Variants in ACSM5 observed in about 807,000 individuals in gnomAD.
The protein encoded by ACSM5 is acyl-CoA synthetase medium chain family member 5, also known as acyl-coenzyme A synthetase ACSM5, mitochondrial.
In ACSM5, 56 loss-of-function variants were observed where a neutral mutation model predicts 71.6. That is an observed-to-expected ratio of 0.78 (90% CI 0.63 to 0.98). ACSM5 has a LOEUF of 0.98. Among genes scored for constraint, ACSM5 ranks in the 50% least tolerant of loss-of-function variants. The pLI, the probability that ACSM5 is intolerant of heterozygous loss-of-function variation, is 0.00. For synonymous variants in ACSM5, 285 were observed against 281.5 expected (o/e 1.01, Z -0.12); for missense variants, 723 against 726.0 (o/e 1.00, Z 0.05).
chr16:20,427,337 G>A (rs1224170456), intron 6 of ACSM5, among the ~76,000 whole-genome samples: 1 of 152,120 alleles, frequency 6.6e-6, no homozygotes, highest in African/African-American at 2.4e-5. Context: ...AACCTCACTG[G>A]TGGTTTTTAG....
intron 12 of ACSM5, among the ~76,000 whole-genome samples, chr16:20,437,913 C>T (rs948404727): frequency 1.3e-4 from 20 of 148,932 alleles, no homozygotes; most frequent in African/African-American, 5.0e-4. Flanking sequence ...ACCTCCGCCT[C>T]CCAGGTTCAA....
intron 10 of ACSM5, among the ~76,000 whole-genome samples, chr16:20,432,547 T>C (rs879517508): frequency 6.6e-6 from 1 of 152,194 alleles, no homozygotes; most frequent in Non-Finnish European, 1.5e-5. Flanking sequence ...TAACATTTAA[T>C]GTATTTTCTG....
At position 20,418,157 on chromosome 16, in the gene ACSM5, G is replaced by A. The variant is rs200349448; in HGVS notation, c.303G>A (p.Lys101=). ...SFEELGKQSR[K]AANVLGGACG... is the part of the protein sequence containing the mutation. The stretch of plus-strand genomic sequence containing the variant: ...AGGAGCTGGGGAAGCAGTCCAGGAA[G>A]GCAGCCAATGTGCTGGGGGGTGCAT... Residue 101 remains lysine (K), a synonymous_variant, in exon 3 of 14, where the codon AAG becomes AAA. Coordinates refer to ENST00000331849, the MANE Select transcript of ACSM5 (RefSeq NM_017888.3). 2 of 1,613,610 alleles carry A rather than the reference G, an allele frequency of 1.2e-6. No homozygotes were observed. Among genetic ancestry groups the A allele is most frequent in the African/African-American group, 2.7e-5 (2 of 75,028 alleles).
chr16:20,422,059 GA>G (rs1966890318), intron 5 of ACSM5, among the ~76,000 whole-genome samples: 1 of 151,962 alleles, frequency 6.6e-6, no homozygotes, highest in Non-Finnish European at 1.5e-5. Flanking sequence ...TTTTAAGACT[GA>G]AAAATATTCC....
intron 10 of ACSM5, among the ~76,000 whole-genome samples, chr16:20,431,996 A>G (rs1428645829): frequency 6.7e-6 from 1 of 150,216 alleles, no homozygotes; most frequent in African/African-American, 2.4e-5. Context: ...TAAAGGTCAA[A>G]CTGCACTATT....
chr16:20,422,378 G>A (rs1303891301), intron 5 of ACSM5, among the ~76,000 whole-genome samples: 7 of 152,090 alleles, frequency 4.6e-5, no homozygotes, highest in Admixed American at 4.6e-4. Context: ...TCAAAGTGCT[G>A]GGATTACAGG....
At position 20,440,367 on chromosome 16, in the gene ACSM5, A is replaced by C; in HGVS notation, c.1680A>C (p.Pro560=). ...PRKVAFVSEL[P]KTVSGKIQRS... ...AGGTGGCCTTTGTTTCAGAACTGCC[A>C]AAGACGGTTTCTGGAAAGATCCAAA... The change falls in exon 14 of 14, where the codon CCA becomes CCC. Residue 560 remains proline, a synonymous_variant. Transcript: ENST00000331849. The C allele has an allele frequency of 6.2e-7, 1 of 1,602,714 alleles. No homozygotes were observed. Among genetic ancestry groups the C allele is most frequent in the Non-Finnish European group, 8.5e-7 (1 of 1,169,672 alleles).
chr16:20,418,284 C>A lies in ACSM5; in HGVS notation c.415+15C>A. On this transcript the variant is annotated intron_variant, in intron 3 of 13. Transcript: ENST00000331849. ...CATGCGGACAGGTCAGTAAGCAGGG[C>A]TGGGAATTTTAGTTGGGGGCAGACA... 6.3e-7 allele frequency: 1 copy of A among 1,598,064 alleles called. No homozygotes were observed. Among genetic ancestry groups the A allele is most frequent in the Non-Finnish European group, 8.5e-7 (1 of 1,170,974 alleles).
chr16:20,436,301 T>C (rs1265129488), intron 10 of ACSM5, among the ~76,000 whole-genome samples: 1 of 140,764 alleles, frequency 7.1e-6, no homozygotes, highest in African/African-American at 2.6e-5. Flanking sequence ...GTTTCCTACT[T>C]GAAGTCTTGC....
At chr16:20,434,267 T>C (rs1967153337) in intron 10 of ACSM5, among the ~76,000 whole-genome samples, 1 of 152,234 alleles carries the variant, frequency 6.6e-6, no homozygotes, top group African/African-American at 2.4e-5. Flanking sequence ...TTTAAGTTTA[T>C]AATCCATCTG....
At chr16:20,410,468 C>T (rs1966845470) in intron 1 of ACSM5, among the ~76,000 whole-genome samples, 2 of 152,182 alleles carry the variant, frequency 1.3e-5, no homozygotes, top group African/African-American at 2.4e-5. Flanking sequence ...CAGTGGCTCA[C>T]ATCTGTAATC....
At chr16:20,420,068 T>C (rs1343175608) in intron 4 of ACSM5, among the ~76,000 whole-genome samples, 1 of 152,192 alleles carries the variant, frequency 6.6e-6, no homozygotes, top group Admixed American at 6.5e-5. Context: ...CAGATGTGCC[T>C]TGGAGCAAGG....
chr16:20,419,174 A>G lies in ACSM5; in HGVS notation c.416-54A>G, dbSNP rs896423651. The stretch of plus-strand genomic sequence containing the variant: ...CTTCCTGCCTTCATCTCTTACCTCT[A>G]TACCCAAGGCCTTCCCCGCTATCCA... On this transcript the variant is annotated intron_variant, in intron 3 of 13. Coordinates refer to ENST00000331849, the MANE Select transcript of ACSM5 (RefSeq NM_017888.3). 4.4e-6 allele frequency: 7 copies of G among 1,575,702 alleles called. No homozygotes were observed. In the African/African-American group the frequency reaches 6.7e-5, roughly 15 times the overall value.
Position 20,431,324 on chromosome 16 carries a change from AAG to A in ACSM5, c.1308+7_1308+8del. The A allele has an allele frequency of 1.2e-6, 2 of 1,612,618 alleles. No individual in the cohort carries two copies. Among genetic ancestry groups the A allele is most frequent in the African/African-American group, 1.3e-5 (1 of 75,002 alleles). On this transcript the variant is annotated splice_donor_5th_base_variant and intron_variant, in intron 10 of 13. Coordinates refer to ENST00000331849, the MANE Select transcript of ACSM5 (RefSeq NM_017888.3). ...TCTGTTTCTTCAATTGCTATTTGGT[AAG>A]AGACGGGGAACAGCCGTTCTCATGA...
chr16:20,411,782 G>A (rs894814210), intron 2 of ACSM5, 94 bp downstream of exon 2: 2 of 1,357,062 alleles, frequency 1.5e-6, no homozygotes, highest in Non-Finnish European at 2.1e-6. Flanking sequence ...TGTTGATGAG[G>A]AAATTTGGAC....
rs1453012233 is a variant in ACSM5, at chr16:20,411,248, A to G, written c.-15-222A>G. Among the ~76,000 whole-genome samples the G allele has an allele frequency of 7.2e-5, 11 of 152,214 alleles. No homozygotes were observed. In the South Asian group the frequency reaches 1.0e-3, roughly 14 times the overall value. On this transcript the variant is annotated intron_variant, in intron 1 of 13. Transcript: ENST00000331849. ...ATCTGAGTTCTGACCTCAGACCCAG[A>G]TACCCACAAGTCAGTGAGAGGTCAA...
At chr16:20,428,200 G>C (rs373914142) in intron 7 of ACSM5, among the ~76,000 whole-genome samples, 1 of 152,174 alleles carries the variant, frequency 6.6e-6, no homozygotes, top group South Asian at 2.1e-4. Context: ...ACACCCATGG[G>C]CTATTCTGTC....
chr16:20,427,151 A>C (rs573077132), intron 6 of ACSM5, among the ~76,000 whole-genome samples: 11 of 151,922 alleles, frequency 7.2e-5, no homozygotes, highest in African/African-American at 2.7e-4. Flanking sequence ...AAATACAAAA[A>C]TTAGCCGGGC....
At chr16:20,417,928 C>T in intron 2 of ACSM5, 131 bp from the exon 3 acceptor site, 1 of 888,424 alleles carries the variant, frequency 1.1e-6, no homozygotes. Context: ...CAATGCATGT[C>T]TTTCCATATT....
Sources: gnomAD v4.1 joint callset for allele counts (sites outside exome capture counted in the v4.1 genomes callset) on GRCh38, gnomAD v4.1.1 for gene constraint, MANE v1.5 for transcripts, NCBI Gene and HGNC (gene_info 2026-07-23, HGNC 2026-07-21) for gene names.